SH3RF3: variants seen among roughly 807,000 people sequenced by gnomAD.
SH3RF3 encodes the protein E3 ubiquitin-protein ligase SH3RF3.
In SH3RF3, 29 loss-of-function variants were observed where a neutral mutation model predicts 66.3. The ratio of observed to expected loss-of-function variants is 0.44; its 90% CI spans 0.33 to 0.60. The LOEUF (loss-of-function observed/expected upper bound fraction) is 0.60. Among genes scored for constraint, SH3RF3 ranks in the 20% least tolerant of loss-of-function variants. The pLI, the probability that SH3RF3 is intolerant of heterozygous loss-of-function variation, is 0.04. For missense variants in SH3RF3, 1,194 were observed against 1,190.9 expected (o/e 1.00, Z -0.04); for synonymous variants, 583 against 532.0 (o/e 1.10, Z -1.32).
intron 1 of SH3RF3, among the ~76,000 whole-genome samples, chr2:109,216,857 ATTG>A: frequency 6.6e-6 from 1 of 152,270 alleles, no homozygotes; most frequent in South Asian, 2.1e-4. Context: ...GCACATTCTC[ATTG>A]TTGTGAAACC....
At chr2:109,236,939 C>T (rs1679663585) in intron 1 of SH3RF3, among the ~76,000 whole-genome samples, 1 of 152,158 alleles carries the variant, frequency 6.6e-6, no homozygotes, top group South Asian at 2.1e-4. Context: ...AGGCAGTCCC[C>T]AGAGAAATTT....
chr2:109,411,535 A>C (rs1170642761), intron 4 of SH3RF3, among the ~76,000 whole-genome samples: 6 of 152,166 alleles, frequency 3.9e-5, no homozygotes, highest in Non-Finnish European at 7.4e-5. Flanking sequence ...AGCAACAGAG[A>C]CCAGATTCAG....
Position 109,129,782 on chromosome 2 carries a change from G to A in SH3RF3, c.242G>A (p.Cys81Tyr). 6.5e-7 allele frequency: 1 copy of A among 1,539,334 alleles called. No individual in the cohort carries two copies. The highest frequency in any genetic ancestry group is 1.8e-4 in the Middle Eastern group (1 of 5,668). The change falls in exon 1 of 10, where the codon TGC becomes TAC. Residue 81 changes from cysteine (C) to tyrosine (Y), a missense_variant. Coordinates refer to ENST00000309415, the MANE Select transcript of SH3RF3 (RefSeq NM_001099289.3). Reference protein sequence around the residue: ...LPCQHTFCRRCLESIVCSRHE... With the variant: ...LPCQHTFCRRYLESIVCSRHE... ...TGCCAACACACTTTCTGCCGCCGCT[G>A]CCTGGAGAGCATCGTGTGCTCGCGC...
intron 1 of SH3RF3, among the ~76,000 whole-genome samples, chr2:109,222,810 A>C (rs1181608466): frequency 6.6e-6 from 1 of 152,278 alleles, no homozygotes; most frequent in African/African-American, 2.4e-5. Context: ...AACAAAACAC[A>C]GGAAATAAAG....
chr2:109,484,098 C>T (rs1476675059), intron 8 of SH3RF3, among the ~76,000 whole-genome samples: 4 of 145,690 alleles, frequency 2.7e-5, no homozygotes, highest in African/African-American at 7.6e-5. Flanking sequence ...GACCGAGTCT[C>T]GCTCTTGTCT....
At chr2:109,343,961 C>T (rs139144078) in intron 1 of SH3RF3, among the ~76,000 whole-genome samples, 173 of 152,230 alleles carry the variant, frequency 1.1e-3, no homozygotes, top group Non-Finnish European at 1.6e-3. Flanking sequence ...CCAGGCTAGC[C>T]TTAAACTCCT....
At chr2:109,449,564 G>A in intron 8 of SH3RF3, 75 bp downstream of exon 8, 2 of 1,514,962 alleles carry the variant, frequency 1.3e-6, no homozygotes, top group Non-Finnish European at 1.8e-6. Flanking sequence ...CTAGATGGCA[G>A]TGGCATTTGT....
chr2:109,360,120 G>C (rs916095581), intron 2 of SH3RF3, among the ~76,000 whole-genome samples: 20 of 151,686 alleles, frequency 1.3e-4, no homozygotes, highest in African/African-American at 4.1e-4. Flanking sequence ...AGCATCATAG[G>C]TAGAGACTGA....
chr2:109,442,809 C>A (rs1431400888), intron 7 of SH3RF3, among the ~76,000 whole-genome samples: 1 of 152,026 alleles, frequency 6.6e-6, no homozygotes, highest in Non-Finnish European at 1.5e-5. Context: ...ATACATGGGT[C>A]AAAGAGAAAA....
chr2:109,487,757 T>C (rs1679020878), intron 8 of SH3RF3, among the ~76,000 whole-genome samples: 2 of 151,658 alleles, frequency 1.3e-5, no homozygotes, highest in Non-Finnish European at 2.9e-5. Context: ...GCCCACCGAG[T>C]CCCTCTCTAC....
chr2:109,247,533 G>T (rs1331043852), intron 1 of SH3RF3, among the ~76,000 whole-genome samples: 1 of 152,186 alleles, frequency 6.6e-6, no homozygotes, highest in Non-Finnish European at 1.5e-5. Context: ...TCACGTGTCA[G>T]TCCAGCCTGC....
At chr2:109,195,564 C>T (rs891536993) in intron 1 of SH3RF3, among the ~76,000 whole-genome samples, 7 of 152,240 alleles carry the variant, frequency 4.6e-5, no homozygotes, top group African/African-American at 7.2e-5. Flanking sequence ...ACCTAACCCT[C>T]GCATGCTTGA....
intron 5 of SH3RF3, among the ~76,000 whole-genome samples, chr2:109,429,885 C>T (rs1677144157): frequency 6.6e-6 from 1 of 152,316 alleles, no homozygotes; most frequent in East Asian, 1.9e-4. Context: ...GTGCAGGGAG[C>T]CTGCAGTAGC....
At chr2:109,453,695 A>G (rs1285436552) in intron 8 of SH3RF3, among the ~76,000 whole-genome samples, 5 of 152,200 alleles carry the variant, frequency 3.3e-5, no homozygotes, top group Non-Finnish European at 7.3e-5. Flanking sequence ...GGAAAGGTCA[A>G]CCCTGGCCTG....
Position 109,436,980 on chromosome 2 carries a change from A to G in SH3RF3, c.1662A>G (p.Pro554=), listed in dbSNP as rs1208388629. 1.9e-6 allele frequency: 3 copies of G among 1,613,872 alleles called. No homozygotes were observed. The highest frequency in any genetic ancestry group is 2.5e-6 in the Non-Finnish European group (3 of 1,179,886). ...LAKGITTTMH[P]GSGSLSSLAT... ...AAGGGATAACCACAACCATGCACCC[A>G]GGCAGTGGGAGTCTGAGCAGCCTGG... Residue 554 remains proline (P), a synonymous_variant, in exon 7 of 10, where the codon CCA becomes CCG. Transcript: ENST00000309415.
chr2:109,412,743 C>A (rs186607638), intron 4 of SH3RF3, among the ~76,000 whole-genome samples: 1 of 152,348 alleles, frequency 6.6e-6, no homozygotes, highest in Admixed American at 6.5e-5. Flanking sequence ...ACCATTGTCA[C>A]TTGATATTAA....
intron 8 of SH3RF3, among the ~76,000 whole-genome samples, chr2:109,478,019 G>A (rs1678735572): frequency 1.3e-5 from 2 of 152,174 alleles, no homozygotes. Context: ...AATATTACTG[G>A]AATGATTAGA....
At position 109,167,730 on chromosome 2, in the gene SH3RF3, C is replaced by T. The variant is rs151133882; in HGVS notation, c.573+37617C>T. 5.5e-3 allele frequency among the ~76,000 whole-genome samples: 840 copies of T among 152,244 alleles called. 7 individuals are homozygous for T. The highest frequency in any genetic ancestry group is 0.019 in the African/African-American group (806 of 41,532). On this transcript the variant is annotated intron_variant, in intron 1 of 9. Coordinates refer to ENST00000309415, the MANE Select transcript of SH3RF3 (RefSeq NM_001099289.3). The stretch of plus-strand genomic sequence containing the variant: ...GGGACTACAGACACCTGTCACCACG[C>T]CTGGCTAATTTTTTGTATTTTTAGT...
At chr2:109,438,015 A>G (rs1232710324) in intron 7 of SH3RF3, among the ~76,000 whole-genome samples, 1 of 152,236 alleles carries the variant, frequency 6.6e-6, no homozygotes, top group Non-Finnish European at 1.5e-5. Context: ...TGTTTTTCTC[A>G]AAGTGAGGCT....
Sources: gnomAD v4.1 joint callset for allele counts (sites outside exome capture counted in the v4.1 genomes callset) on GRCh38, gnomAD v4.1.1 for gene constraint, MANE v1.5 for transcripts, NCBI Gene and HGNC (gene_info 2026-07-23, HGNC 2026-07-21) for gene names.